NFATC3: variants seen among roughly 807,000 people sequenced by gnomAD.
The protein encoded by NFATC3 is nuclear factor of activated T cells 3, also known as nuclear factor of activated T-cells, cytoplasmic 3.
In NFATC3, 46 loss-of-function variants were observed where a neutral mutation model predicts 98.6. The observed-to-expected ratio is 0.47, with a 90% CI of 0.37 to 0.60. The LOEUF is 0.60. NFATC3 is among the 20% of genes least tolerant of loss of function. The pLI is 0.00. For synonymous variants in NFATC3, 512 were observed against 472.2 expected, an observed-to-expected ratio of 1.08 and a Z score of -1.09; for missense variants, 1,256 against 1,295.5, an observed-to-expected ratio of 0.97 and a Z score of 0.47.
rs1476233414 is a variant in NFATC3 at position 68,088,493 on chromosome 16, A to G, written c.103+2709A>G. 2.0e-5 allele frequency among the ~76,000 whole-genome samples: 3 copies of G among 147,248 alleles called. No homozygotes were observed. In the East Asian group the frequency reaches 5.8e-4, roughly 29 times the overall value. On this transcript the variant is annotated intron_variant, in intron 1 of 9. Transcript: ENST00000346183. ...ATAATATATGTAGTGTATATAATAT[A>G]TATTTTATATATTATATATAATGTT...
intron 9 of NFATC3, among the ~76,000 whole-genome samples, chr16:68,206,319 T>C (rs1380726121): frequency 6.6e-6 from 1 of 152,204 alleles, no homozygotes; most frequent in Non-Finnish European, 1.5e-5. Flanking sequence ...CACAATATTG[T>C]ATAACCACCA....
intron 9 of NFATC3, among the ~76,000 whole-genome samples, chr16:68,222,601 A>G (rs1047141997): frequency 1.3e-5 from 2 of 152,212 alleles, no homozygotes; most frequent in African/African-American, 4.8e-5. Flanking sequence ...TGAAAATCAA[A>G]TAACATGCAT....
intron 5 of NFATC3, among the ~76,000 whole-genome samples, chr16:68,174,059 A>G (rs1361850094): frequency 6.6e-6 from 1 of 152,208 alleles, no homozygotes; most frequent in East Asian, 1.9e-4. Flanking sequence ...AGATGGGAGC[A>G]TCACTTGAGC....
chr16:68,135,473 A>AG (rs1287734938), intron 3 of NFATC3, among the ~76,000 whole-genome samples: 1 of 151,334 alleles, frequency 6.6e-6, no homozygotes, highest in East Asian at 1.9e-4. Flanking sequence ...AAAAAAAAAA[A>AG]AAAAAAAAAA....
chr16:68,168,222 G>T (rs182655785), intron 5 of NFATC3, among the ~76,000 whole-genome samples: 1 of 151,318 alleles, frequency 6.6e-6, no homozygotes, highest in African/African-American at 2.4e-5. Context: ...ATGTGGTGGC[G>T]CAATCTCAAC....
rs541672151 is a variant in NFATC3, at chr16:68,093,300, G to T, written c.103+7516G>T. Among the ~76,000 whole-genome samples the T allele has an allele frequency of 2.7e-5, 4 of 150,804 alleles. No homozygotes were observed. The South Asian group carries it at 8.6e-4, about 32-fold the overall frequency. On this transcript the variant is annotated intron_variant, in intron 1 of 9. Transcript: ENST00000346183. ...TAGATTCATTTCTGTTGCTAATTGT[G>T]TGATACTGCTAAAAAGCATAGAGTT...
At chr16:68,215,109 G>A (rs2041583050) in intron 9 of NFATC3, among the ~76,000 whole-genome samples, 1 of 152,252 alleles carries the variant, frequency 6.6e-6, no homozygotes, top group African/African-American at 2.4e-5. Context: ...AATGCCATTT[G>A]AATTTTATTT....
At chr16:68,118,510 C>T (rs1332127995) in intron 1 of NFATC3, among the ~76,000 whole-genome samples, 1 of 152,164 alleles carries the variant, frequency 6.6e-6, no homozygotes, top group African/African-American at 2.4e-5. Flanking sequence ...TGTTCCATTT[C>T]ACTGATGTCT....
At chr16:68,168,508 C>A (rs779918433) in intron 5 of NFATC3, among the ~76,000 whole-genome samples, 2 of 150,058 alleles carry the variant, frequency 1.3e-5, no homozygotes, top group African/African-American at 4.9e-5. Flanking sequence ...ATTTTTTAGA[C>A]GGAGCCTCCC....
At chr16:68,092,024 G>A (rs1339878954) in intron 1 of NFATC3, among the ~76,000 whole-genome samples, 2 of 152,166 alleles carry the variant, frequency 1.3e-5, no homozygotes, top group Admixed American at 6.5e-5. Context: ...GTCTAGTAAT[G>A]TTTACGTAAT....
In NFATC3 at chr16:68,121,973, C is replaced by CT; in HGVS notation, c.104-12dup. The CT allele has an allele frequency of 6.8e-7, 1 of 1,476,310 alleles. No homozygotes were observed. The highest frequency in any genetic ancestry group is 9.0e-7 in the Non-Finnish European group (1 of 1,115,324). 91.5% of individuals were successfully genotyped at this position (1,476,310 alleles called of 1,614,324 possible). A position where few individuals can be genotyped will look rare whatever the true frequency, so the allele number is the denominator to read the frequency against. ...TTTTGTTGGGTTTTTTTTTTTTTGCCTTCCTCCCCGTAGATCTTGAGCCAG... is the reference window on the plus strand; with the variant it reads ...TTTTGTTGGGTTTTTTTTTTTTTGCCTTTCCTCCCCGTAGATCTTGAGCCAG... On this transcript the variant is annotated splice_polypyrimidine_tract_variant and intron_variant, in intron 1 of 9. Transcript: ENST00000346183.
At chr16:68,121,957 GTTT>G (rs57424404) in intron 1 of NFATC3, 27 bp from the exon 2 acceptor site, 666 of 1,307,090 alleles carry the variant, frequency 5.1e-4, no homozygotes, top group South Asian at 2.5e-3. Context: ...GTTTTGTTGG[GTTT>G]TTTTTTTTTT....
At chr16:68,123,598 C>T (rs1016422365) in intron 2 of NFATC3, among the ~76,000 whole-genome samples, 3 of 151,498 alleles carry the variant, frequency 2.0e-5, no homozygotes, top group Non-Finnish European at 4.4e-5. Flanking sequence ...CCCAGAACTT[C>T]AAGGCTGCAG....
intron 9 of NFATC3, among the ~76,000 whole-genome samples, chr16:68,218,868 G>A (rs553262911): frequency 2.0e-3 from 296 of 150,776 alleles, no homozygotes; most frequent in African/African-American, 6.6e-3. Context: ...CACCACGCCC[G>A]GCCTAGATGG....
rs1567559802 is a variant in NFATC3 at position 68,226,924 on chromosome 16, G to GAAAAAAAAAAAAAAAAAAAAAAAAAAAA, written c.*462_*463insAAAAAAAAAAAAAAAAAAAAAAAAAAAA. ...AAAAAAAAAAAAAAAAAAAAAAAAA[G>GAAAAAAAAAAAAAAAAAAAAAAAAAAAA]AAAAAAAAAGAAAAGAAAAAAAGAA... On this transcript the variant is annotated 3_prime_UTR_variant, in exon 10 of 10. Coordinates refer to ENST00000346183, the MANE Select transcript of NFATC3 (RefSeq NM_173165.3). 1 of 85,486 alleles carries GAAAAAAAAAAAAAAAAAAAAAAAAAAAA rather than the reference G, an allele frequency of 1.2e-5. No individual in the cohort carries two copies. Among genetic ancestry groups the GAAAAAAAAAAAAAAAAAAAAAAAAAAAA allele is most frequent in the Non-Finnish European group, 2.3e-5 (1 of 43,568 alleles). 5.3% of individuals were successfully genotyped at this position (85,486 alleles called of 1,614,324 possible).
intron 9 of NFATC3, among the ~76,000 whole-genome samples, chr16:68,205,065 TGTGAAAGTCTC>T (rs2041089648): frequency 6.6e-6 from 1 of 151,194 alleles, no homozygotes; most frequent in South Asian, 2.1e-4. Context: ...AGAGACAACA[TGTGAAAGTCTC>T]ATTTATGCTG....
At chr16:68,144,025 T>G (rs1000529108) in intron 3 of NFATC3, among the ~76,000 whole-genome samples, 8 of 152,248 alleles carry the variant, frequency 5.3e-5, no homozygotes, top group Non-Finnish European at 1.2e-4. Context: ...TTAAAAACTT[T>G]AGCTCCGTGA....
At chr16:68,112,645 CG>C (rs1421844599) in intron 1 of NFATC3, among the ~76,000 whole-genome samples, 1,799 of 119,120 alleles carry the variant, frequency 0.015, 140 homozygotes, top group African/African-American at 0.053. Context: ...TTTTCTTTTT[CG>C]TTTTTTTTTT....
Position 68,191,694 on chromosome 16 carries a change from A to G in NFATC3, c.3025A>G (p.Thr1009Ala), listed in dbSNP as rs375021623. 8.7e-6 allele frequency: 14 copies of G among 1,614,008 alleles called. No homozygotes were observed. In the African/African-American group the frequency reaches 1.6e-4, roughly 18 times the overall value. The change falls in exon 9 of 10, where the codon ACT becomes GCT. Residue 1009 changes from threonine (T) to alanine (A), a missense_variant. Around this residue, in one of 3 missense-constraint regions of NFATC3, gnomAD observed 636 missense variants for 617.3 expected, o/e 1.03. Coordinates refer to ENST00000346183, the MANE Select transcript of NFATC3 (RefSeq NM_173165.3). Reference protein sequence around the residue: ...DPASFPPDGATVSIKPEPEDR... With the variant: ...DPASFPPDGAAVSIKPEPEDR... ...AGCGTCATTTCCACCTGATGGGGCA[A>G]CTGTGAGCATTAAACCTGAACCAGA...
Sources: gnomAD v4.1 joint callset for allele counts (sites outside exome capture counted in the v4.1 genomes callset) on GRCh38, gnomAD v4.1.1 for gene constraint, gnomAD v4.1.1 regional missense constraint, MANE v1.5 for transcripts, NCBI Gene and HGNC (gene_info 2026-07-23, HGNC 2026-07-21) for gene names.